Variants in EYS observed in about 807,000 individuals in gnomAD.
The protein encoded by EYS is EGF-like photoreceptor maintenance factor, also known as protein eyes shut homolog.
In EYS, 250 loss-of-function variants were observed where a neutral mutation model predicts 282.1. The ratio of observed to expected loss-of-function variants is 0.89; its 90% confidence interval spans 0.80 to 0.98. The LOEUF (loss-of-function observed/expected upper bound fraction) is 0.98. Among genes scored for constraint, EYS ranks in the 50% least tolerant of loss-of-function variants. The probability of loss-of-function intolerance (pLI) is 0.00; values close to 1 mark genes in which losing one functional copy is unlikely to be tolerated. For missense variants in EYS, 4,016 were observed against 3,709.0 expected (o/e 1.08, Z -2.15); for synonymous variants, 1,355 against 1,282.9 (o/e 1.06, Z -1.20).
intron 28 of EYS, among the ~76,000 whole-genome samples, chr6:64,411,712 G>A (rs1773896783): frequency 6.6e-6 from 1 of 151,976 alleles, no homozygotes; most frequent in South Asian, 2.1e-4. Context: ...GCCAGGTGTG[G>A]TGGCTTGCAC....
chr6:64,683,047 G>A (rs561457397), intron 22 of EYS, among the ~76,000 whole-genome samples: 8 of 152,304 alleles, frequency 5.3e-5, no homozygotes, highest in African/African-American at 1.7e-4. Flanking sequence ...GGAAGCAGTA[G>A]CCGCAAGGCT....
At chr6:65,258,691 C>A (rs532210215) in intron 12 of EYS, among the ~76,000 whole-genome samples, 1 of 151,918 alleles carries the variant, frequency 6.6e-6, no homozygotes, top group Non-Finnish European at 1.5e-5. Flanking sequence ...AGAAATTTTG[C>A]GGTGGAATAT....
At chr6:65,392,343 C>T (rs1174718939) in intron 7 of EYS, among the ~76,000 whole-genome samples, 2 of 152,060 alleles carry the variant, frequency 1.3e-5, no homozygotes, top group African/African-American at 4.8e-5. Flanking sequence ...AACTAAAGAG[C>T]TTCTGCACAG....
At chr6:65,000,117 A>G (rs1295807984) in intron 13 of EYS, among the ~76,000 whole-genome samples, 2 of 152,192 alleles carry the variant, frequency 1.3e-5, no homozygotes, top group East Asian at 3.9e-4. Context: ...CTGGGGCTTC[A>G]GGAGCTGTAG....
intron 31 of EYS, among the ~76,000 whole-genome samples, chr6:64,119,075 A>T (rs867931417): frequency 1.6e-4 from 25 of 152,082 alleles, no homozygotes; most frequent in Non-Finnish European, 3.4e-4. Flanking sequence ...TGCATTCTGT[A>T]AATTAAATTT....
chr6:65,228,187 A>G (rs1439438014), intron 12 of EYS, among the ~76,000 whole-genome samples: 1 of 152,072 alleles, frequency 6.6e-6, no homozygotes, highest in Non-Finnish European at 1.5e-5. Flanking sequence ...TCCATGCAAC[A>G]TCGTACTGGA....
At chr6:65,534,667 T>C (rs1767900438) in intron 2 of EYS, among the ~76,000 whole-genome samples, 1 of 152,106 alleles carries the variant, frequency 6.6e-6, no homozygotes, top group Admixed American at 6.6e-5. Context: ...ACATTGGATG[T>C]CCTGGTTCTA....
At chr6:64,646,657 T>G (rs888941702) in intron 22 of EYS, among the ~76,000 whole-genome samples, 6 of 151,724 alleles carry the variant, frequency 4.0e-5, no homozygotes, top group African/African-American at 1.5e-4. Context: ...CAAAAAAACA[T>G]TAGCCGGGCG....
At chr6:65,122,710 T>A (rs982359892) in intron 12 of EYS, among the ~76,000 whole-genome samples, 5 of 152,090 alleles carry the variant, frequency 3.3e-5, no homozygotes, top group African/African-American at 1.2e-4. Flanking sequence ...TGAGAAAAAA[T>A]ATAATTTTTG....
intron 35 of EYS, among the ~76,000 whole-genome samples, chr6:63,959,436 T>C (rs182310212): frequency 3.9e-5 from 6 of 152,288 alleles, no homozygotes; most frequent in South Asian, 2.1e-4. Context: ...AGTTCAACCA[T>C]TGGGGAAGAC....
chr6:64,839,118 A>C (rs1495532), intron 19 of EYS, among the ~76,000 whole-genome samples: 14,007 of 152,018 alleles, frequency 0.092, 848 homozygotes, highest in East Asian at 0.32. Flanking sequence ...ACATTTTGCT[A>C]TACTTTTGAG....
At chr6:65,661,536 A>G (rs985381394) in intron 1 of EYS, among the ~76,000 whole-genome samples, 9 of 152,068 alleles carry the variant, frequency 5.9e-5, no homozygotes, top group Admixed American at 5.2e-4. Context: ...TTAGGCTCCA[A>G]TAATAATACA....
At chr6:65,190,506 G>T (rs181054926) in intron 12 of EYS, among the ~76,000 whole-genome samples, 2 of 151,420 alleles carry the variant, frequency 1.3e-5, no homozygotes, top group African/African-American at 4.8e-5. Flanking sequence ...TGTGTCTGAC[G>T]AATAAGTTGT....
At chr6:65,003,367 G>A (rs1197539535) in intron 13 of EYS, among the ~76,000 whole-genome samples, 4 of 146,672 alleles carry the variant, frequency 2.7e-5, no homozygotes, top group Non-Finnish European at 6.1e-5. Context: ...ATAAATTTTG[G>A]TCAGACCGGT....
chr6:63,760,774 A>G (rs1450789756), intron 41 of EYS, among the ~76,000 whole-genome samples: 2 of 151,756 alleles, frequency 1.3e-5, no homozygotes, highest in East Asian at 3.9e-4. Context: ...ACATCCACAC[A>G]CCCACACAAA....
At chr6:64,779,306 A>T (rs1321816074) in intron 22 of EYS, among the ~76,000 whole-genome samples, 1 of 152,122 alleles carries the variant, frequency 6.6e-6, no homozygotes, top group Non-Finnish European at 1.5e-5. Context: ...AATATGTTTC[A>T]GGGATGGAAA....
At chr6:64,079,883 A>G (rs545977805) in intron 32 of EYS, among the ~76,000 whole-genome samples, 1 of 152,234 alleles carries the variant, frequency 6.6e-6, no homozygotes, top group East Asian at 1.9e-4. Flanking sequence ...CCATGTCCCA[A>G]CAAAGGACAT....
rs180985689 is a variant in EYS at position 65,487,049 on chromosome 6, C to T, written c.862+3545G>A. 5.1e-3 allele frequency among the ~76,000 whole-genome samples: 781 copies of T among 152,152 alleles called. 5 individuals are homozygous for T. Among genetic ancestry groups the T allele is most frequent in the Middle Eastern group, 0.02 (6 of 294 alleles). On this transcript the variant is annotated intron_variant, in intron 5 of 42. Coordinates refer to ENST00000503581, the MANE Select transcript of EYS (RefSeq NM_001142800.2). ...TGTATCCTGAGACTTTGCTGAAGTT[C>T]CTTATCAGCTTAAGGAGATTTTGGG... is the stretch of plus-strand genomic sequence containing the variant.
At chr6:64,956,448 G>A (rs1769703694) in intron 14 of EYS, among the ~76,000 whole-genome samples, 1 of 152,186 alleles carries the variant, frequency 6.6e-6, no homozygotes, top group Non-Finnish European at 1.5e-5. Flanking sequence ...AATCAAAATG[G>A]ATTAGATAAT....
Sources: gnomAD v4.1 joint callset for allele counts (sites outside exome capture counted in the v4.1 genomes callset) on GRCh38, gnomAD v4.1.1 for gene constraint, MANE v1.5 for transcripts, NCBI Gene and HGNC (gene_info 2026-07-23, HGNC 2026-07-21) for gene names.